Variants in THSD7A observed in about 807,000 individuals in gnomAD.
The protein encoded by THSD7A is thrombospondin type-1 domain-containing protein 7A.
A neutral mutation model predicts 231.3 loss-of-function variants in THSD7A; 96 were observed. The observed-to-expected ratio is 0.41, with a 90% CI of 0.35 to 0.49. The LOEUF (loss-of-function observed/expected upper bound fraction) is 0.49, where lower values mean the gene tolerates loss of function less well. Ranked by LOEUF, THSD7A falls within the 20% of genes least tolerant of loss-of-function variation. THSD7A has a pLI of 0.05. For synonymous variants in THSD7A, 940 were observed against 743.3 expected (o/e 1.26, Z -4.30); for missense variants, 2,290 against 2,070.2 (o/e 1.11, Z -2.06).
At chr7:11,470,083 T>C in intron 8 of THSD7A, 89 bp from the exon 9 acceptor site, 1 of 930,312 alleles carries the variant, frequency 1.1e-6, no homozygotes, top group Admixed American at 2.1e-5. Context: ...CTGGTAAAAT[T>C]GCAAAACAAG....
chr7:11,735,815 T>G (rs1287122278), intron 1 of THSD7A, among the ~76,000 whole-genome samples: 2 of 151,978 alleles, frequency 1.3e-5, no homozygotes, highest in African/African-American at 2.4e-5. Context: ...TTATGAGGAA[T>G]GCTTTATTAT....
intron 2 of THSD7A, among the ~76,000 whole-genome samples, chr7:11,633,401 G>A (rs1413204393): frequency 1.3e-5 from 2 of 152,080 alleles, no homozygotes; most frequent in Non-Finnish European, 2.9e-5. Flanking sequence ...GGCAATAATA[G>A]CATAGTGGGC....
chr7:11,607,584 C>T (rs1404244943), intron 2 of THSD7A, among the ~76,000 whole-genome samples: 3 of 151,752 alleles, frequency 2.0e-5, no homozygotes, highest in Non-Finnish European at 4.4e-5. Flanking sequence ...TCAAGTCACA[C>T]TTCTTTCTTG....
chr7:11,545,784 G>A (rs140102969), intron 4 of THSD7A, among the ~76,000 whole-genome samples: 14 of 152,318 alleles, frequency 9.2e-5, no homozygotes, highest in South Asian at 6.2e-4. Flanking sequence ...TCTCTAATAT[G>A]TGCAGAATCC....
intron 4 of THSD7A, among the ~76,000 whole-genome samples, chr7:11,554,631 T>A (rs1409645524): frequency 1.3e-5 from 2 of 152,060 alleles, no homozygotes; most frequent in African/African-American, 4.8e-5. Flanking sequence ...CATCCTTGAA[T>A]AAACTGCATT....
rs1789141152 is a variant in THSD7A at position 11,541,419 on chromosome 7, C to G, written c.1822G>C (p.Gly608Arg). ...VQEVVCINSD[G>R]EEVDRQLCRD... ...AACATAATAGATACGTCTGTCTTAC[C>G]ATCACTGTTGATGCACACAACCTCT... Residue 608 changes from glycine (G) to arginine (R), a missense_variant and splice_region_variant, in exon 6 of 28, where the codon GGA (glycine) becomes CGA (arginine). Coordinates refer to ENST00000423059, the MANE Select transcript of THSD7A (RefSeq NM_015204.3). 1.9e-6 allele frequency: 3 copies of G among 1,613,798 alleles called. No homozygotes were observed. The highest frequency in any genetic ancestry group is 1.7e-5 in the Admixed American group (1 of 59,990).
At chr7:11,666,139 T>C (rs912103602) in intron 1 of THSD7A, among the ~76,000 whole-genome samples, 1 of 152,160 alleles carries the variant, frequency 6.6e-6, no homozygotes, top group Non-Finnish European at 1.5e-5. Flanking sequence ...AAGTGTCAGA[T>C]ATTAATATTA....
At chr7:11,457,557 C>A (rs1365456310) in intron 11 of THSD7A, among the ~76,000 whole-genome samples, 1 of 152,090 alleles carries the variant, frequency 6.6e-6, no homozygotes, top group Non-Finnish European at 1.5e-5. Flanking sequence ...GGCATTCAGG[C>A]CCATGTGTCT....
intron 1 of THSD7A, among the ~76,000 whole-genome samples, chr7:11,716,694 C>A (rs1781149582): frequency 6.6e-6 from 1 of 151,482 alleles, no homozygotes; most frequent in Non-Finnish European, 1.5e-5. Context: ...TCATCTATAT[C>A]ACCACTGCTT....
At chr7:11,700,270 A>T (rs1379700340) in intron 1 of THSD7A, among the ~76,000 whole-genome samples, 2 of 151,182 alleles carry the variant, frequency 1.3e-5, no homozygotes, top group African/African-American at 4.8e-5. Flanking sequence ...AAAATTAACT[A>T]AATAATGTAC....
intron 9 of THSD7A, among the ~76,000 whole-genome samples, chr7:11,468,577 T>C (rs1785803136): frequency 6.6e-6 from 1 of 152,188 alleles, no homozygotes; most frequent in Non-Finnish European, 1.5e-5. Flanking sequence ...CTCGTGCCTG[T>C]AATCTCAGCA....
chr7:11,629,737 C>T (rs1261731506), intron 2 of THSD7A, among the ~76,000 whole-genome samples: 1 of 152,180 alleles, frequency 6.6e-6, no homozygotes, highest in Non-Finnish European at 1.5e-5. Flanking sequence ...GAAATTCACC[C>T]TGATGTTTCA....
chr7:11,658,558 C>A (rs1340015519), intron 1 of THSD7A, among the ~76,000 whole-genome samples: 1 of 151,536 alleles, frequency 6.6e-6, no homozygotes, highest in Admixed American at 6.6e-5. Context: ...CCTAAAGCAT[C>A]CTGTTTTCTC....
chr7:11,378,903 C>T (rs949152958), intron 26 of THSD7A, 167 bp downstream of exon 26: 7 of 647,348 alleles, frequency 1.1e-5, no homozygotes, highest in African/African-American at 5.5e-5. Context: ...AGTTATTTTC[C>T]ATAATGATAG....
intron 23 of THSD7A, chr7:11,384,944 C>T (rs1289131241): frequency 6.6e-6 from 1 of 151,728 alleles, no homozygotes; most frequent in Non-Finnish European, 1.5e-5. Flanking sequence ...AATATTGGGG[C>T]TTTTTATTCA....
chr7:11,435,224 CA>C (rs1208053764), intron 13 of THSD7A, among the ~76,000 whole-genome samples: 1 of 152,078 alleles, frequency 6.6e-6, no homozygotes, highest in Admixed American at 6.6e-5. Context: ...GCGTTTCTTA[CA>C]GCAAACTCTA....
intron 1 of THSD7A, among the ~76,000 whole-genome samples, chr7:11,684,850 C>T (rs1358612879): frequency 1.3e-5 from 2 of 151,994 alleles, no homozygotes; most frequent in African/African-American, 4.8e-5. Context: ...CAATGCCATT[C>T]TTCCCAGACT....
chr7:11,679,579 C>G (rs62433361), intron 1 of THSD7A, among the ~76,000 whole-genome samples: 16,267 of 152,000 alleles, frequency 0.11, 902 homozygotes, highest in African/African-American at 0.14. Flanking sequence ...AAATCATAAG[C>G]AAACTCCCAT....
intron 6 of THSD7A, among the ~76,000 whole-genome samples, chr7:11,537,652 C>T (rs1451035555): frequency 2.0e-5 from 3 of 150,732 alleles, no homozygotes; most frequent in Non-Finnish European, 4.4e-5. Context: ...TCCTGTACAG[C>T]CTGCAGGACT....
Sources: allele counts gnomAD v4.1 joint callset (sites outside exome capture counted in the v4.1 genomes callset), GRCh38; gene constraint gnomAD v4.1.1; transcripts MANE v1.5; gene names NCBI Gene and HGNC (gene_info 2026-07-23, HGNC 2026-07-21).